Variants in HPS5 observed in about 807,000 individuals in gnomAD.
The protein encoded by HPS5 is HPS5 biogenesis of lysosomal organelles complex 2 subunit 2.
HPS5 carries 83 observed loss-of-function variants against 128.0 expected under a neutral mutation model. That is an observed-to-expected ratio of 0.65 (90% confidence interval 0.54 to 0.78). The LOEUF is 0.78. Ranked by LOEUF, HPS5 falls within the 30% of genes least tolerant of loss-of-function variation. The pLI is 0.00. For missense variants in HPS5, 1,281 were observed against 1,326.2 expected (o/e 0.97, Z 0.53); for synonymous variants, 475 against 470.2 (o/e 1.01, Z -0.13).
intron 14 of HPS5, among the ~76,000 whole-genome samples, chr11:18,294,344 G>A (rs565712787): frequency 6.6e-6 from 1 of 152,136 alleles, no homozygotes; most frequent in Non-Finnish European, 1.5e-5. Context: ...ATAAAAGGTG[G>A]TCCTTTTGCT....
intron 2 of HPS5, among the ~76,000 whole-genome samples, chr11:18,313,048 A>G (rs1273126153): frequency 6.6e-6 from 1 of 152,232 alleles, no homozygotes; most frequent in Non-Finnish European, 1.5e-5. Context: ...CTCAGATGCT[A>G]GTATCTCCTT....
chr11:18,291,742 T>C lies in HPS5; in HGVS notation c.2140A>G (p.Arg714Gly), dbSNP rs745710272. The C allele has an allele frequency of 5.0e-6, 8 of 1,614,248 alleles. 1 individual carries two copies. The South Asian group carries it at 6.6e-5, about 13-fold the overall frequency. Residue 714 changes from arginine (R) to glycine (G), a missense_variant, in exon 16 of 23, where the codon AGG (arginine) becomes GGG (glycine). Physicochemically the swap from Arg to Gly is moderately radical, Grantham distance 125. Transcript: ENST00000349215. ...TGAAACAGGTCATCCAAAGACTCCC[T>C]TGGACTCCTTACACATTCACATGCT... The part of the protein sequence containing the change: ...KTACECVRSP[R>G]ESLDDLFQIC...
intron 22 of HPS5, among the ~76,000 whole-genome samples, chr11:18,281,010 T>G (rs1858824141): frequency 6.6e-6 from 1 of 151,534 alleles, no homozygotes; most frequent in Non-Finnish European, 1.5e-5. Flanking sequence ...TTTAAATTGT[T>G]AAGATGATAA....
chr11:18,290,126 G>A (rs1860220718), intron 16 of HPS5, among the ~76,000 whole-genome samples: 1 of 152,178 alleles, frequency 6.6e-6, no homozygotes, highest in South Asian at 2.1e-4. Context: ...CTTTCTACAT[G>A]CTTTCCCCAG....
chr11:18,312,889 TC>T (rs1187419561), intron 2 of HPS5, among the ~76,000 whole-genome samples: 2 of 152,146 alleles, frequency 1.3e-5, no homozygotes, highest in Non-Finnish European at 2.9e-5. Context: ...AACACTAACC[TC>T]CTATGAGATT....
chr11:18,284,577 C>T (rs527248026), intron 20 of HPS5, among the ~76,000 whole-genome samples: 26 of 152,322 alleles, frequency 1.7e-4, no homozygotes, highest in Non-Finnish European at 3.4e-4. Flanking sequence ...CTAAAAGGGT[C>T]TCTACTGATA....
At chr11:18,294,670 C>G (rs1860834062) in intron 14 of HPS5, among the ~76,000 whole-genome samples, 1 of 152,126 alleles carries the variant, frequency 6.6e-6, no homozygotes. Flanking sequence ...TTATAAGCTA[C>G]ACAAACAATC....
At chr11:18,288,711 T>C (rs1319043552) in intron 16 of HPS5, among the ~76,000 whole-genome samples, 4 of 150,884 alleles carry the variant, frequency 2.7e-5, no homozygotes, top group Non-Finnish European at 5.9e-5. Context: ...GCAGTGGTGA[T>C]CACTGCAACC....
At chr11:18,318,387 C>G (rs561278818) in intron 1 of HPS5, among the ~76,000 whole-genome samples, 1 of 152,306 alleles carries the variant, frequency 6.6e-6, no homozygotes, top group South Asian at 2.1e-4. Context: ...GAATAGGCCA[C>G]TAGACTTCTC....
chr11:18,297,761 T>A, intron 10 of HPS5, 44 bp from the exon 11 acceptor site: 3 of 1,581,670 alleles, frequency 1.9e-6, no homozygotes, highest in Non-Finnish European at 8.7e-7. Context: ...TGTAGGTAAA[T>A]CTATATTCAA....
At chr11:18,304,082 AAAGG>A (rs1862061935) in intron 8 of HPS5, among the ~76,000 whole-genome samples, 1 of 152,200 alleles carries the variant, frequency 6.6e-6, no homozygotes, top group Non-Finnish European at 1.5e-5. Flanking sequence ...CAAGTGCCAC[AAAGG>A]AAGAATGCTA....
At position 18,317,799 on chromosome 11, in the gene HPS5, A is replaced by C. The variant is rs1355805051; in HGVS notation, c.60T>G (p.Ser20=). ...SYSHVLAEFE[S]LDPLLSALRL... ...GCAGGGCTGAGAGTAATGGATCCAG[A>C]GATTCAAACTCTGCAAGAACATGGC... Residue 20 remains serine (S), a synonymous_variant, in exon 2 of 23, where the codon TCT becomes TCG. Transcript: ENST00000349215. The C allele has an allele frequency of 1.9e-6, 3 of 1,613,898 alleles. No individual in the cohort carries two copies. In the South Asian group the frequency reaches 3.3e-5, roughly 18 times the overall value.
intron 6 of HPS5, 127 bp downstream of exon 6, chr11:18,308,819 A>AGGG: frequency 1.2e-6 from 1 of 849,572 alleles, no homozygotes; most frequent in Non-Finnish European, 1.8e-6. Flanking sequence ...CCATCTCAAA[A>AGGG]AAAGAAAAAA....
intron 15 of HPS5, among the ~76,000 whole-genome samples, chr11:18,292,418 T>G (rs961183414): frequency 2.0e-5 from 3 of 152,082 alleles, no homozygotes; most frequent in African/African-American, 7.2e-5. Flanking sequence ...GGTCTCAAAC[T>G]TCTAAGCTCA....
chr11:18,296,738 C>G (rs751751761), intron 12 of HPS5, 60 bp downstream of exon 12: 4 of 1,439,788 alleles, frequency 2.8e-6, no homozygotes, highest in Non-Finnish European at 3.9e-6. Flanking sequence ...ATCCTGGTAA[C>G]AGGAGCTCGT....
rs1859047619 is a variant in HPS5, at chr11:18,282,077, G to A, written c.3202C>T (p.Leu1068=). 6.2e-7 allele frequency: 1 copy of A among 1,614,114 alleles called. No individual in the cohort carries two copies. The highest frequency in any genetic ancestry group is 1.1e-5 in the South Asian group (1 of 91,092). The change falls in exon 22 of 23, where the codon CTG becomes TTG. Residue 1068 remains leucine (L), a synonymous_variant. Transcript: ENST00000349215. The part of the protein sequence containing the change: ...SPINVENVAL[L]LAKAMGPDRA... ...TCTGGGCCCATGGCCTTAGCTAACA[G>A]AAGTGCCACATTCTCCACATTGATG...
At chr11:18,281,138 C>T (rs891763927) in intron 22 of HPS5, among the ~76,000 whole-genome samples, 2 of 149,398 alleles carry the variant, frequency 1.3e-5, no homozygotes, top group Admixed American at 6.7e-5. Flanking sequence ...AGTGCAATGG[C>T]GTGATCTTGG....
intron 2 of HPS5, among the ~76,000 whole-genome samples, chr11:18,312,672 G>A (rs75391710): frequency 0.01 from 1,552 of 152,318 alleles, 21 homozygotes; most frequent in African/African-American, 0.035. Flanking sequence ...ATAAGACCAA[G>A]GCTGCTGAGG....
At chr11:18,307,601 C>A (rs145148997) in intron 6 of HPS5, among the ~76,000 whole-genome samples, 19 of 151,934 alleles carry the variant, frequency 1.3e-4, no homozygotes, top group African/African-American at 4.3e-4. Context: ...TATTATTTTT[C>A]AAACAATACG....
Sources: allele counts gnomAD v4.1 joint callset (sites outside exome capture counted in the v4.1 genomes callset), GRCh38; gene constraint gnomAD v4.1.1; transcripts MANE v1.5; gene names NCBI Gene and HGNC (gene_info 2026-07-23, HGNC 2026-07-21).